Variants in PRDM15 observed in about 807,000 individuals in gnomAD.
PRDM15 encodes PR/SET domain 15.
PRDM15 carries 64 observed loss-of-function variants against 128.6 expected under a neutral mutation model. That is an observed-to-expected ratio of 0.50 (90% confidence interval 0.41 to 0.61). The LOEUF (loss-of-function observed/expected upper bound fraction) is 0.61. Among genes scored for constraint, PRDM15 ranks in the 20% least tolerant of loss-of-function variants. The pLI is 0.00. For missense variants in PRDM15, 1,242 were observed against 1,569.1 expected, an observed-to-expected ratio of 0.79 and a Z score of 3.52; for synonymous variants, 615 against 621.8, an observed-to-expected ratio of 0.99 and a Z score of 0.16.
intron 1 of PRDM15, among the ~76,000 whole-genome samples, chr21:41,876,386 G>A (rs1444457608): frequency 1.3e-5 from 2 of 152,132 alleles, no homozygotes; most frequent in Non-Finnish European, 2.9e-5. Context: ...GAGCAGAAGG[G>A]GCTTGGTCAC....
At chr21:41,853,934 G>A (rs1477854469) in intron 5 of PRDM15, among the ~76,000 whole-genome samples, 1 of 152,182 alleles carries the variant, frequency 6.6e-6, no homozygotes, top group East Asian at 1.9e-4. Context: ...TCTCTGTGCT[G>A]TTTCCTCCGT....
At chr21:41,819,736 C>T (rs775723392) in intron 17 of PRDM15, 35 bp from the exon 18 acceptor site, 2 of 1,572,072 alleles carry the variant, frequency 1.3e-6, no homozygotes, top group African/African-American at 1.4e-5. Context: ...CAGAGCCGAG[C>T]AGCTCCGACC....
chr21:41,826,560 A>G (rs748523873), intron 12 of PRDM15, among the ~76,000 whole-genome samples: 2 of 152,222 alleles, frequency 1.3e-5, no homozygotes, highest in Non-Finnish European at 2.9e-5. Flanking sequence ...GTTTTGAGGC[A>G]TATTGTTCCA....
Position 41,854,851 on chromosome 21 carries a change from G to A in PRDM15, c.286-33C>T. 6.3e-7 allele frequency: 1 copy of A among 1,575,904 alleles called. No homozygotes were observed. The highest frequency in any genetic ancestry group is 8.6e-7 in the Non-Finnish European group (1 of 1,157,836). On this transcript the variant is annotated intron_variant, in intron 4 of 23. Transcript: ENST00000398548. This position sits in a 1 kb window ranked among gnomAD's most constrained non-coding sequence, Gnocchi z 4.6. Reference sequence around the variant, plus strand: ...TGAGTCGGCCCATGGAGAAGCCGGGGAAATGGCTGATTACCCATCTGTGTA... The same window carrying A: ...TGAGTCGGCCCATGGAGAAGCCGGGAAAATGGCTGATTACCCATCTGTGTA...
At chr21:41,835,097 C>T (rs1054347496) in intron 11 of PRDM15, among the ~76,000 whole-genome samples, 1 of 152,196 alleles carries the variant, frequency 6.6e-6, no homozygotes, top group Non-Finnish European at 1.5e-5. Context: ...TGATCTTTTC[C>T]TTTCTTCCTC....
intron 21 of PRDM15, among the ~76,000 whole-genome samples, chr21:41,808,792 G>A (rs574371552): frequency 3.3e-5 from 5 of 152,186 alleles, no homozygotes; most frequent in African/African-American, 7.2e-5. Context: ...TTTCAGATCC[G>A]TGTAAGCATG....
rs373942277 is a variant in PRDM15, at chr21:41,820,159, G to A, written c.2076C>T (p.Cys692=). The change falls in exon 17 of 24, where the codon TGC becomes TGT. Residue 692 remains cysteine (C), a synonymous_variant. Coordinates refer to ENST00000398548, the MANE Select transcript of PRDM15 (RefSeq NM_001040424.3). The stretch of plus-strand genomic sequence containing the variant: ...TGTTGAAGATCCGCCCGCAGATCTC[G>A]CAGGGGTGGATGTACCTGAAACCAG... ...DPNVQKYIHP[C]EICGRIFNSI... 77 of 1,613,470 alleles carry A rather than the reference G, an allele frequency of 4.8e-5. No individual in the cohort carries two copies. Among genetic ancestry groups the A allele is most frequent in the South Asian group, 6.6e-5 (6 of 91,022 alleles).
At chr21:41,830,286 C>T (rs2062639186) in intron 11 of PRDM15, among the ~76,000 whole-genome samples, 1 of 151,056 alleles carries the variant, frequency 6.6e-6, no homozygotes, top group African/African-American at 2.4e-5. Context: ...TCAACACACA[C>T]ATCCACATAC....
chr21:41,820,651 C>T (rs995686914), intron 16 of PRDM15, among the ~76,000 whole-genome samples: 1 of 152,236 alleles, frequency 6.6e-6, no homozygotes, highest in Non-Finnish European at 1.5e-5. Context: ...GTTGTTTAGG[C>T]TGTGCCGGCT....
At chr21:41,839,502 C>CCA (rs2063001774) in intron 7 of PRDM15, 121 bp downstream of exon 7, 3 of 747,048 alleles carry the variant, frequency 4.0e-6, no homozygotes, top group Admixed American at 4.5e-5. Context: ...AGTCTACCTT[C>CCA]CACGAGGCCT....
chr21:41,861,755 AG>A lies in PRDM15; in HGVS notation c.-9-1384del, dbSNP rs2063821301. ...CACAGTCACTGAACTTGTGTGTCTG[AG>A]AGCAGTGCCGGGTTGAAAACTTCAA... is the stretch of plus-strand genomic sequence containing the variant. On this transcript the variant is annotated intron_variant, in intron 1 of 23. Coordinates refer to ENST00000398548, the MANE Select transcript of PRDM15 (RefSeq NM_001040424.3). 4 of 1,613,254 alleles carry A rather than the reference AG, an allele frequency of 2.5e-6. No individual in the cohort carries two copies. In the East Asian group the frequency reaches 8.9e-5, roughly 36 times the overall value.
intron 21 of PRDM15, among the ~76,000 whole-genome samples, chr21:41,806,081 C>T (rs866534057): frequency 2.4e-3 from 62 of 25,652 alleles, no homozygotes; most frequent in African/African-American, 3.5e-3. Context: ...ACCACCATCA[C>T]CACCACCACC....
At chr21:41,860,699 G>A (rs2063784488) in intron 1 of PRDM15, among the ~76,000 whole-genome samples, 1 of 152,124 alleles carries the variant, frequency 6.6e-6, no homozygotes, top group Non-Finnish European at 1.5e-5. Flanking sequence ...GGGATTACAG[G>A]TGTGAGCCAC....
Position 41,799,954 on chromosome 21 carries a change from A to C in PRDM15, c.*1286T>G, listed in dbSNP as rs964314790. On this transcript the variant is annotated 3_prime_UTR_variant, in exon 24 of 24. Coordinates refer to ENST00000398548, the MANE Select transcript of PRDM15 (RefSeq NM_001040424.3). ...CCTGGCCCCTGCCCCCGAAACTGGT[A>C]CACAGACGTGACAGCACGTGTCCCC... is the stretch of plus-strand genomic sequence containing the variant. The C allele has an allele frequency of 1.3e-5, 2 of 152,240 alleles. No homozygotes were observed. Among genetic ancestry groups the C allele is most frequent in the African/African-American group, 4.8e-5 (2 of 41,456 alleles). 9.4% of individuals were successfully genotyped at this position (152,240 alleles called of 1,614,324 possible). A position where few individuals can be genotyped will look rare whatever the true frequency, so the allele number is the denominator to read the frequency against.
At chr21:41,801,971 A>G (rs1451696191) in intron 23 of PRDM15, among the ~76,000 whole-genome samples, 2 of 152,242 alleles carry the variant, frequency 1.3e-5, no homozygotes, top group African/African-American at 2.4e-5. Flanking sequence ...AAAAATAGAA[A>G]AAAGTAAGCA....
rs749180500 is a variant in PRDM15, at chr21:41,828,361, C to T, written c.1367-28G>A. On this transcript the variant is annotated intron_variant, in intron 11 of 23. Coordinates refer to ENST00000398548, the MANE Select transcript of PRDM15 (RefSeq NM_001040424.3). The surrounding 1 kb of genome is among the most constrained non-coding windows in gnomAD (Gnocchi z 5.7). ...GTCCAGAGAGCAAACAAACACACAA[C>T]GATTTTGAGGTAAATAACATCTCAC... is the stretch of plus-strand genomic sequence containing the variant. The T allele has an allele frequency of 1.5e-5, 24 of 1,612,044 alleles. No homozygotes were observed. Among genetic ancestry groups the T allele is most frequent in the South Asian group, 3.3e-5 (3 of 91,064 alleles).
At chr21:41,869,549 T>C (rs1252213603) in intron 1 of PRDM15, among the ~76,000 whole-genome samples, 1 of 151,414 alleles carries the variant, frequency 6.6e-6, no homozygotes, top group African/African-American at 2.4e-5. Flanking sequence ...CAGGTTCAAG[T>C]GATTCTCCTG....
intron 21 of PRDM15, among the ~76,000 whole-genome samples, chr21:41,807,699 C>G (rs2061726278): frequency 6.6e-6 from 1 of 152,168 alleles, no homozygotes; most frequent in Non-Finnish European, 1.5e-5. Flanking sequence ...CACTGGTAGG[C>G]ATTTGTTTGA....
In PRDM15 at chr21:41,826,147, G is replaced by T. The variant is rs570532115; in HGVS notation, c.1535-93C>A. ...CACTTCAGCCAGCATCCTTTCCAGC[G>T]CACGGGAGGACAGGGCTGCCCACAG... On this transcript the variant is annotated intron_variant, in intron 12 of 23. Transcript: ENST00000398548. 4.2e-4 allele frequency: 424 copies of T among 1,017,356 alleles called. 1 individual carries two copies. Among genetic ancestry groups the T allele is most frequent in the Middle Eastern group, 1.4e-3 (7 of 4,846 alleles). 63.0% of individuals were successfully genotyped at this position (1,017,356 alleles called of 1,614,324 possible).
Sources: allele counts gnomAD v4.1 joint callset (sites outside exome capture counted in the v4.1 genomes callset), GRCh38; gene constraint gnomAD v4.1.1; non-coding constraint Gnocchi (gnomAD v3.1); transcripts MANE v1.5; gene names NCBI Gene and HGNC (gene_info 2026-07-23, HGNC 2026-07-21).